The following WWOX variants were observed in gnomAD, a reference collection of about 807,000 sequenced individuals.
WWOX encodes WW domain containing oxidoreductase.
WWOX carries 69 observed loss-of-function variants against 46.2 expected under a neutral mutation model. The ratio of observed to expected loss-of-function variants is 1.49; its 90% CI spans 1.23 to 1.82. The LOEUF (loss-of-function observed/expected upper bound fraction) is 1.82. Ranked by LOEUF, WWOX falls within the 40% of genes most tolerant of loss-of-function variation. The probability of loss-of-function intolerance (pLI) is 0.00; values close to 1 mark genes in which losing one functional copy is unlikely to be tolerated. For synonymous variants in WWOX, 359 were observed against 202.6 expected, an observed-to-expected ratio of 1.77 and a Z score of -6.56; for missense variants, 919 against 542.6, an observed-to-expected ratio of 1.69 and a Z score of -6.89.
chr16:78,152,194 G>GAAA (rs11421726), intron 4 of WWOX, among the ~76,000 whole-genome samples: 3 of 144,552 alleles, frequency 2.1e-5, no homozygotes, highest in African/African-American at 5.1e-5. Context: ...CGTCTCAAGA[G>GAAA]AAAAAAAAAA....
chr16:78,536,183 A>C (rs2043754881), intron 8 of WWOX, among the ~76,000 whole-genome samples: 1 of 152,176 alleles, frequency 6.6e-6, no homozygotes, highest in South Asian at 2.1e-4. Context: ...CCCAGAGTAC[A>C]CATGCATGGG....
At chr16:79,050,529 C>T (rs527659252) in intron 8 of WWOX, among the ~76,000 whole-genome samples, 4 of 152,250 alleles carry the variant, frequency 2.6e-5, no homozygotes, top group South Asian at 2.1e-4. Context: ...GCTGAGCTCA[C>T]GGTTAGAGAG....
At chr16:78,232,422 C>A (rs966709294) in intron 5 of WWOX, among the ~76,000 whole-genome samples, 12 of 152,132 alleles carry the variant, frequency 7.9e-5, no homozygotes, top group African/African-American at 2.7e-4. Context: ...TCGTTCCCTC[C>A]CCAGTAGTTG....
chr16:78,615,168 A>G (rs1257640602), intron 8 of WWOX, among the ~76,000 whole-genome samples: 1 of 152,314 alleles, frequency 6.6e-6, no homozygotes, highest in Admixed American at 6.5e-5. Context: ...ATTATTTTTT[A>G]GAGGTTGTAA....
intron 8 of WWOX, among the ~76,000 whole-genome samples, chr16:78,966,584 C>G (rs1019049525): frequency 1.5e-4 from 22 of 151,530 alleles, no homozygotes; most frequent in Admixed American, 1.4e-3. Flanking sequence ...ATAAGTAAGG[C>G]TAAAAAGTAA....
At chr16:78,472,027 T>A (rs1238968840) in intron 8 of WWOX, among the ~76,000 whole-genome samples, 1 of 152,218 alleles carries the variant, frequency 6.6e-6, no homozygotes, top group Non-Finnish European at 1.5e-5. Flanking sequence ...TTCCTTTGAT[T>A]ATTCTGGTTA....
At chr16:78,651,682 T>C (rs1237658803) in intron 8 of WWOX, among the ~76,000 whole-genome samples, 1 of 152,206 alleles carries the variant, frequency 6.6e-6, no homozygotes, top group Non-Finnish European at 1.5e-5. Context: ...CTCCCACCTG[T>C]GCAGGTGTTA....
intron 6 of WWOX, among the ~76,000 whole-genome samples, chr16:78,400,067 A>G (rs76479832): frequency 0.027 from 4,157 of 152,272 alleles, 89 homozygotes; most frequent in East Asian, 0.097. Context: ...AATCTATTGC[A>G]TACCTTGTCA....
At chr16:78,674,640 T>G (rs2047548489) in intron 8 of WWOX, among the ~76,000 whole-genome samples, 1 of 152,144 alleles carries the variant, frequency 6.6e-6, no homozygotes. Flanking sequence ...TCCACACTTC[T>G]GGCCACCTGC....
At chr16:78,466,493 C>T (rs1430631960) in intron 8 of WWOX, among the ~76,000 whole-genome samples, 3 of 152,142 alleles carry the variant, frequency 2.0e-5, no homozygotes, top group Non-Finnish European at 4.4e-5. Context: ...CATAAGGAGA[C>T]ATATTTTGAT....
chr16:78,777,360 C>G (rs1227217155), intron 8 of WWOX, among the ~76,000 whole-genome samples: 2 of 152,140 alleles, frequency 1.3e-5, no homozygotes, highest in Non-Finnish European at 2.9e-5. Context: ...CTACTGAGCA[C>G]TTGAAACGTG....
intron 8 of WWOX, among the ~76,000 whole-genome samples, chr16:78,942,328 G>A (rs1314162154): frequency 2.6e-5 from 4 of 152,140 alleles, no homozygotes; most frequent in African/African-American, 4.8e-5. Flanking sequence ...AAGTCATCAA[G>A]CTGATTGAAA....
chr16:78,403,607 A>G (rs1451890612), intron 6 of WWOX, among the ~76,000 whole-genome samples: 1 of 152,116 alleles, frequency 6.6e-6, no homozygotes, highest in Admixed American at 6.5e-5. Flanking sequence ...TGTATTCAGG[A>G]GGCCCAGGTA....
At chr16:78,705,813 A>G (rs2048316789) in intron 8 of WWOX, among the ~76,000 whole-genome samples, 1 of 152,216 alleles carries the variant, frequency 6.6e-6, no homozygotes, top group South Asian at 2.1e-4. Context: ...AAACAAGAAT[A>G]AAACAAAAAC....
At chr16:78,880,992 CTTTTT>C (rs71140838) in intron 8 of WWOX, among the ~76,000 whole-genome samples, 1 of 113,528 alleles carries the variant, frequency 8.8e-6, no homozygotes. Context: ...AATTTTTTTT[CTTTTT>C]TTTTTTTTTT....
intron 8 of WWOX, among the ~76,000 whole-genome samples, chr16:78,654,892 C>T (rs1027569503): frequency 6.6e-6 from 1 of 151,772 alleles, no homozygotes; most frequent in South Asian, 2.1e-4. Context: ...GGGGGGGATG[C>T]ATATGTGTAT....
chr16:78,499,772 G>C (rs969620237), intron 8 of WWOX, among the ~76,000 whole-genome samples: 36 of 152,136 alleles, frequency 2.4e-4, no homozygotes, highest in African/African-American at 8.2e-4. Flanking sequence ...AAATACATCC[G>C]TGGAACGCAT....
At chr16:78,301,428 C>T (rs571143672) in intron 5 of WWOX, among the ~76,000 whole-genome samples, 1 of 152,054 alleles carries the variant, frequency 6.6e-6, no homozygotes, top group African/African-American at 2.4e-5. Context: ...TTTTTTCATA[C>T]TTTTCTTTCA....
intron 8 of WWOX, among the ~76,000 whole-genome samples, chr16:78,805,038 G>C (rs2050992875): frequency 1.3e-5 from 2 of 152,320 alleles, no homozygotes; most frequent in South Asian, 4.1e-4. Flanking sequence ...CCTTTCTCCT[G>C]ATATTTGCAA....
Sources: gnomAD v4.1 joint callset for allele counts (sites outside exome capture counted in the v4.1 genomes callset) on GRCh38, gnomAD v4.1.1 for gene constraint, MANE v1.5 for transcripts, NCBI Gene and HGNC (gene_info 2026-07-23, HGNC 2026-07-21) for gene names.